RACGAP1: variants seen among roughly 807,000 people sequenced by gnomAD.
The protein encoded by RACGAP1 is rac GTPase-activating protein 1.
RACGAP1 carries 30 observed loss-of-function variants against 78.1 expected under a neutral mutation model. The ratio of observed to expected loss-of-function variants is 0.38; its 90% CI spans 0.29 to 0.52. The LOEUF (loss-of-function observed/expected upper bound fraction) is 0.52. Ranked by LOEUF, RACGAP1 falls within the 20% of genes least tolerant of loss-of-function variation. RACGAP1 has a pLI of 0.82. For missense variants in RACGAP1, 587 were observed against 777.1 expected (o/e 0.76, Z 2.91); for synonymous variants, 231 against 264.8 (o/e 0.87, Z 1.24).
upstream of RACGAP1, among the ~76,000 whole-genome samples, chr12:50,026,994 G>C (rs1049647563): frequency 1.3e-5 from 2 of 152,104 alleles, no homozygotes; most frequent in African/African-American, 2.4e-5. Context: ...AATAGCAGGC[G>C]TTCGGCTGAC....
At chr12:50,025,236 C>T in intron 1 of RACGAP1, 162 bp downstream of exon 1, 3 of 920,294 alleles carry the variant, frequency 3.3e-6, no homozygotes, top group Non-Finnish European at 3.9e-6. Context: ...TGCCACGACC[C>T]CCACCCCAGA....
chr12:49,992,578 A>C lies in RACGAP1; in HGVS notation c.1417T>G (p.Leu473Val). ...GELPQANRDT[L>V]AFLMIHLQRV... ...TGCAAGTGAATCATGAGGAAAGCTA[A>C]TGTGTCCCTGTTGGCCTGGGGCAGT... Residue 473 changes from leucine (L) to valine (V), a missense_variant, in exon 13 of 17, where the codon TTA (leucine) becomes GTA (valine). Physicochemically the swap from Leu to Val is conservative, Grantham distance 32. Transcript: ENST00000312377. 3 of 1,614,126 alleles carry C rather than the reference A, an allele frequency of 1.9e-6. No individual in the cohort carries two copies. The highest frequency in any genetic ancestry group is 2.5e-6 in the Non-Finnish European group (3 of 1,179,998).
chr12:49,989,974 C>T lies in RACGAP1; in HGVS notation c.*294G>A. On this transcript the variant is annotated 3_prime_UTR_variant, in exon 17 of 17. Coordinates refer to ENST00000312377, the MANE Select transcript of RACGAP1 (RefSeq NM_001319999.2). The stretch of plus-strand genomic sequence containing the variant: ...GCTTTAAGCCAAAGGAACAATAACC[C>T]CCTTCCCCAAAAAGAATCACAACCA... 3.2e-6 allele frequency: 1 copy of T among 313,484 alleles called. No homozygotes were observed. Among genetic ancestry groups the T allele is most frequent in the East Asian group, 5.0e-5 (1 of 20,146 alleles). The allele number at this position is 313,484 out of a possible 1,614,324, so 19.4% of individuals were successfully genotyped here. A position where few individuals can be genotyped will look rare whatever the true frequency, so the allele number is the denominator to read the frequency against.
chr12:50,009,462 C>T lies in RACGAP1; in HGVS notation c.86-2826G>A, dbSNP rs1949175910. 4.8e-5 allele frequency among the ~76,000 whole-genome samples: 3 copies of T among 62,046 alleles called. No individual in the cohort carries two copies. The Admixed American group carries it at 5.5e-4, about 11-fold the overall frequency. The allele number at this position is 62,046 out of a possible 152,430, so 40.7% of individuals were successfully genotyped here. ...AGCAAATTTAAGTGGGTCCAGAAAT[C>T]CTGATTTTTTTTTTCCATTTACTCC... On this transcript the variant is annotated intron_variant, in intron 2 of 16. Transcript: ENST00000312377.
intron 5 of RACGAP1, chr12:50,002,814 T>G (rs7979958): frequency 0.16 from 24,845 of 152,018 alleles, 3,440 homozygotes; most frequent in African/African-American, 0.38. Context: ...GAGGTCAGGA[T>G]ATCGAGACCA....
At chr12:50,031,620 A>C in intron 2 of RACGAP1, 3 of 937,376 alleles carry the variant, frequency 3.2e-6, no homozygotes, top group Non-Finnish European at 3.8e-6. Flanking sequence ...TGGGGCCTTC[A>C]ACCTTCCCTG....
At chr12:50,030,842 T>C (rs945018488) in intron 2 of RACGAP1, among the ~76,000 whole-genome samples, 2 of 151,770 alleles carry the variant, frequency 1.3e-5, no homozygotes, top group African/African-American at 2.4e-5. Context: ...TGCAATGGCG[T>C]GATCTCGGCC....
upstream of RACGAP1, among the ~76,000 whole-genome samples, chr12:50,028,967 C>T (rs1378671442): frequency 1.3e-5 from 2 of 151,990 alleles, 1 homozygote; most frequent in East Asian, 3.9e-4. Flanking sequence ...CCTGTATTCC[C>T]AGCACTTTGG....
At chr12:50,030,999 C>G (rs1355189285) in intron 2 of RACGAP1, among the ~76,000 whole-genome samples, 2 of 151,184 alleles carry the variant, frequency 1.3e-5, no homozygotes, top group Non-Finnish European at 2.9e-5. Flanking sequence ...AGGCTGGTCT[C>G]AAACTGGTGA....
At chr12:49,992,830 A>T (rs1224676813) in intron 12 of RACGAP1, among the ~76,000 whole-genome samples, 175 bp from the exon 13 acceptor site, 1 of 152,228 alleles carries the variant, frequency 6.6e-6, no homozygotes, top group African/African-American at 2.4e-5. Flanking sequence ...CAACAGCTCA[A>T]TATTAGAAGT....
At position 49,999,204 on chromosome 12, in the gene RACGAP1, T is replaced by C. The variant is rs1187242609; in HGVS notation, c.816A>G (p.Thr272=). ...TACTCTGTGGCGTGCCCACACTGTC[T>C]GTCTCAGTTCTTGGCTCCAGCTGCC... ...NSRQLEPRTE[T]DSVGTPQSNG... Residue 272 remains threonine (T), a synonymous_variant, in exon 9 of 17, where the codon ACA becomes ACG. Coordinates refer to ENST00000312377, the MANE Select transcript of RACGAP1 (RefSeq NM_001319999.2). The C allele has an allele frequency of 3.1e-6, 5 of 1,614,160 alleles. No homozygotes were observed. Among genetic ancestry groups the C allele is most frequent in the Middle Eastern group, 3.3e-4 (2 of 6,030 alleles).
rs759648335 is a variant in RACGAP1 at position 49,999,623 on chromosome 12, C to T, written c.741G>A (p.Arg247=). 6.2e-7 allele frequency: 1 copy of T among 1,613,596 alleles called. No homozygotes were observed. The highest frequency in any genetic ancestry group is 2.2e-5 in the East Asian group (1 of 44,888). The change falls in exon 8 of 17, where the codon AGG becomes AGA. Residue 247 remains arginine (R), a synonymous_variant. Coordinates refer to ENST00000312377, the MANE Select transcript of RACGAP1 (RefSeq NM_001319999.2). Reference sequence around the variant, plus strand: ...GTCACAAATTCAATGGACCTGTTTTCCTTCGGCTCCTGGTCCAATATGGCA... The same window carrying T: ...GTCACAAATTCAATGGACCTGTTTTTCTTCGGCTCCTGGTCCAATATGGCA... The part of the protein sequence containing the change: ...ETVPYWTRSR[R]KTGTLQPWNS...
At chr12:50,016,605 G>C (rs1376709584) in intron 2 of RACGAP1, 26 bp downstream of exon 2, 1 of 1,595,184 alleles carries the variant, frequency 6.3e-7, no homozygotes, top group Non-Finnish European at 8.6e-7. Flanking sequence ...TTTTTCCTTT[G>C]GACAGGCCAG....
intron 1 of RACGAP1, chr12:50,018,565 C>A (rs1202536111): frequency 3.9e-6 from 5 of 1,288,740 alleles, no homozygotes; most frequent in Non-Finnish European, 5.1e-6. Context: ...GTAGTCAATT[C>A]AAATGTTGAT....
Position 49,999,723 on chromosome 12 carries a change from G to T in RACGAP1, c.641C>A (p.Ser214Tyr). 1 of 1,612,106 alleles carries T rather than the reference G, an allele frequency of 6.2e-7. No individual in the cohort carries two copies. The highest frequency in any genetic ancestry group is 1.1e-5 in the South Asian group (1 of 91,042). Residue 214 changes from serine (S) to tyrosine (Y), a missense_variant, in exon 8 of 17, where the codon TCC becomes TAC. By Grantham distance (144) the Ser-to-Tyr change is moderately radical (BLOSUM62 -2). Transcript: ENST00000312377. ...AGTCACTGTAGTTTTTGCAACTATG[G>T]ATTCATTCCCCTGCAACAAAAGTAG... ...IGSAVDQGNE[S>Y]IVAKTTVTVP...
At chr12:50,018,608 A>G (rs1008497233) in intron 1 of RACGAP1, 3 of 1,249,368 alleles carry the variant, frequency 2.4e-6, no homozygotes, top group African/African-American at 3.1e-5. Flanking sequence ...AAAATGGAAG[A>G]CTCTAATCAG....
At chr12:49,996,649 AAAAAAAAAAAAAAAAAAAAT>A (rs1948296019) in intron 10 of RACGAP1, among the ~76,000 whole-genome samples, 2 of 144,730 alleles carry the variant, frequency 1.4e-5, no homozygotes, top group African/African-American at 5.2e-5. Context: ...AAAAAAAAAA[AAAAAAAAAAAAAAAAAAAAT>A]GGACACAAGT....
intron 13 of RACGAP1, 72 bp from the exon 14 acceptor site, chr12:49,992,449 G>C (rs1947957624): frequency 1.3e-6 from 2 of 1,587,280 alleles, no homozygotes; most frequent in African/African-American, 1.4e-5. Flanking sequence ...AATTCTATAA[G>C]AAAACAATTC....
intron 1 of RACGAP1, among the ~76,000 whole-genome samples, chr12:50,022,074 T>C (rs575935161): frequency 1.3e-5 from 2 of 152,308 alleles, no homozygotes; most frequent in Admixed American, 6.5e-5. Flanking sequence ...TTTCAGAAAA[T>C]TACTAGAAGT....
Sources: allele counts gnomAD v4.1 joint callset (sites outside exome capture counted in the v4.1 genomes callset), GRCh38; gene constraint gnomAD v4.1.1; transcripts MANE v1.5; gene names NCBI Gene and HGNC (gene_info 2026-07-23, HGNC 2026-07-21).